Variants in L1TD1 observed in about 807,000 individuals in gnomAD.
L1TD1 encodes LINE1 type transposase domain containing 1, also known as LINE-1 type transposase domain-containing protein 1.
Under a neutral mutation model 25.7 loss-of-function variants are expected in L1TD1, and 26 were observed. The observed-to-expected ratio is 1.01, with a 90% CI of 0.74 to 1.40. The LOEUF (loss-of-function observed/expected upper bound fraction) is 1.40, where lower values mean the gene tolerates loss of function less well. Ranked by LOEUF, L1TD1 falls within the 40% of genes most tolerant of loss-of-function variation. The pLI is 0.00. For missense variants in L1TD1, 1,130 were observed against 975.0 expected (o/e 1.16, Z -2.12); for synonymous variants, 421 against 335.6 (o/e 1.25, Z -2.78).
rs79364597 is a variant in L1TD1, at chr1:62,211,421, C to A, written c.*49C>A. 1.3e-6 allele frequency: 2 copies of A among 1,520,888 alleles called. No individual in the cohort carries two copies. The highest frequency in any genetic ancestry group is 4.5e-5 in the East Asian group (2 of 44,142). The allele number at this position is 1,520,888 out of a possible 1,614,324, so 94.2% of individuals were successfully genotyped here. A position where few individuals can be genotyped will look rare whatever the true frequency, so the allele number is the denominator to read the frequency against. ...TATGCTTTCCTCCCCCAGCATGCAT[C>A]CAAAAATCAACAAGTAAAACGAAAA... On this transcript the variant is annotated 3_prime_UTR_variant, in exon 4 of 4. Transcript: ENST00000498273.
chr1:62,204,950 T>C (rs1670706636), intron 2 of L1TD1, among the ~76,000 whole-genome samples: 1 of 151,952 alleles, frequency 6.6e-6, no homozygotes, highest in Non-Finnish European at 1.5e-5. Flanking sequence ...TAATTTTTGT[T>C]AGAGACAGTT....
chr1:62,205,443 A>ATATATTTTTTTTTTTTTT (rs1553122597), intron 2 of L1TD1, among the ~76,000 whole-genome samples: 2 of 63,660 alleles, frequency 3.1e-5, no homozygotes, highest in African/African-American at 1.1e-4. Context: ...ATATATATAT[A>ATATATTTTTTTTTTTTTT]TTTTTTTTTA....
chr1:62,207,340 G>T lies in L1TD1; in HGVS notation c.712G>T (p.Asp238Tyr). The T allele has an allele frequency of 6.4e-7, 1 of 1,551,406 alleles. No homozygotes were observed. Among genetic ancestry groups the T allele is most frequent in the South Asian group, 1.2e-5 (1 of 84,034 alleles). The change falls in exon 3 of 4, where the codon GAT (aspartate) becomes TAT (tyrosine). Residue 238 changes from aspartate (D) to tyrosine (Y), a missense_variant. By Grantham distance (160) the Asp-to-Tyr change is radical (BLOSUM62 -3). Coordinates refer to ENST00000498273, the MANE Select transcript of L1TD1 (RefSeq NM_019079.5). ...KASREEKVLM[D>Y]EGAVLTLVAD... Reference sequence around the variant, plus strand: ...CTCCAGAGAAGAAAAAGTGTTGATGGATGAAGGAGCAGTACTTACCCTGGT... The same window carrying T: ...CTCCAGAGAAGAAAAAGTGTTGATGTATGAAGGAGCAGTACTTACCCTGGT...
At chr1:62,197,433 A>ATATATATATATATG (rs1174042182) in intron 2 of L1TD1, among the ~76,000 whole-genome samples, 10 of 138,422 alleles carry the variant, frequency 7.2e-5, no homozygotes, top group Admixed American at 2.2e-4. Flanking sequence ...ATATATATAT[A>ATATATATATATATG]GTTTAGTCCT....
intron 2 of L1TD1, among the ~76,000 whole-genome samples, chr1:62,202,321 G>T (rs1670654600): frequency 6.6e-6 from 1 of 151,432 alleles, no homozygotes; most frequent in South Asian, 2.1e-4. Context: ...AAAGGCTGAG[G>T]GTGAAATGTG....
Position 62,210,825 on chromosome 1 carries a change from T to C in L1TD1, c.2051T>C (p.Ile684Thr). Residue 684 changes from isoleucine to threonine, a missense_variant, in exon 4 of 4, where the codon ATA (isoleucine) becomes ACA (threonine). Coordinates refer to ENST00000498273, the MANE Select transcript of L1TD1 (RefSeq NM_019079.5). The part of the protein sequence containing the change: ...SKDTMQMTKQ[I>T]ISKERQRDIE... ...GATACAATGCAAATGACCAAACAGA[T>C]AATTAGTAAAGAAAGGCAAAGAGAT... 6.5e-7 allele frequency: 1 copy of C among 1,549,226 alleles called. No homozygotes were observed. Among genetic ancestry groups the C allele is most frequent in the South Asian group, 1.2e-5 (1 of 83,300 alleles).
At chr1:62,200,217 C>G (rs1670615905) in intron 2 of L1TD1, among the ~76,000 whole-genome samples, 1 of 152,050 alleles carries the variant, frequency 6.6e-6, no homozygotes. Flanking sequence ...ACTCTTGTTG[C>G]CCAGGTTGGA....
At chr1:62,195,080 G>A (rs1670506546) in intron 1 of L1TD1, among the ~76,000 whole-genome samples, 159 bp downstream of exon 1, 1 of 151,208 alleles carries the variant, frequency 6.6e-6, no homozygotes, top group East Asian at 2.0e-4. Context: ...GGGGTGCCCC[G>A]GGTAAGGCTG....
intron 2 of L1TD1, among the ~76,000 whole-genome samples, chr1:62,196,916 A>G (rs1670553644): frequency 6.6e-6 from 1 of 151,764 alleles, no homozygotes; most frequent in African/African-American, 2.4e-5. Context: ...TTAGAGTGAA[A>G]CAAGGGAAAT....
intron 1 of L1TD1, 85 bp from the exon 2 acceptor site, chr1:62,196,350 T>G (rs372105586): frequency 6.6e-6 from 1 of 152,182 alleles, no homozygotes; most frequent in Admixed American, 6.6e-5. Flanking sequence ...ATAAGTGCTT[T>G]TTTTTCCCAG....
At position 62,211,191 on chromosome 1, in the gene L1TD1, A is replaced by C. The variant is rs1404281054; in HGVS notation, c.2417A>C (p.Lys806Thr). 6.4e-7 allele frequency: 1 copy of C among 1,552,206 alleles called. No homozygotes were observed. Among genetic ancestry groups the C allele is most frequent in the South Asian group, 1.2e-5 (1 of 84,126 alleles). Reference sequence around the variant, plus strand: ...CTGGACACACTGGATGCTAGAAGTAAATGGAGCAATGTCTTCAAAGTTCTG... The same window carrying C: ...CTGGACACACTGGATGCTAGAAGTACATGGAGCAATGTCTTCAAAGTTCTG... ...LSLDTLDARSKWSNVFKVLLE... is the reference protein window; with the variant it reads ...LSLDTLDARSTWSNVFKVLLE... The change falls in exon 4 of 4, where the codon AAA becomes ACA. Residue 806 changes from lysine to threonine, a missense_variant. By Grantham distance (78) the Lys-to-Thr change is moderately conservative. Transcript: ENST00000498273.
In L1TD1 at chr1:62,207,296, A is replaced by G. The variant is rs1670768935; in HGVS notation, c.668A>G (p.Lys223Arg). Residue 223 changes from lysine to arginine, a missense_variant, in exon 3 of 4, where the codon AAA (lysine) becomes AGA (arginine). By Grantham distance (26) the Lys-to-Arg change is conservative. Coordinates refer to ENST00000498273, the MANE Select transcript of L1TD1 (RefSeq NM_019079.5). Reference protein sequence around the residue: ...EERKFQKLKNKEEVLKASREE... With the variant: ...EERKFQKLKNREEVLKASREE... ...AGAAAATTTCAGAAATTGAAGAATA[A>G]AGAGGAGGTTTTAAAAGCCTCCAGA... 6.4e-7 allele frequency: 1 copy of G among 1,550,866 alleles called. No individual in the cohort carries two copies. Among genetic ancestry groups the G allele is most frequent in the Non-Finnish European group, 8.7e-7 (1 of 1,146,816 alleles).
In L1TD1 at chr1:62,206,517, A is replaced by C; in HGVS notation, c.-110-2A>C. On this transcript the variant is annotated splice_acceptor_variant, in intron 2 of 3. Coordinates refer to ENST00000498273, the MANE Select transcript of L1TD1 (RefSeq NM_019079.5). LOFTEE classifies it low-confidence loss of function (5UTR_SPLICE). ...GTAATTTTTCATTTTTTTGTATTTC[A>C]GATTGACGTATTTTAAGATTTTTTT... is the stretch of plus-strand genomic sequence containing the variant. 1.8e-6 allele frequency: 2 copies of C among 1,083,412 alleles called. No homozygotes were observed. The highest frequency in any genetic ancestry group is 2.5e-6 in the Non-Finnish European group (2 of 811,162). The allele number at this position is 1,083,412 out of a possible 1,614,324, so 67.1% of individuals were successfully genotyped here.
At chr1:62,197,618 G>A (rs1339336226) in intron 2 of L1TD1, among the ~76,000 whole-genome samples, 1 of 151,364 alleles carries the variant, frequency 6.6e-6, no homozygotes, top group Admixed American at 6.6e-5. Context: ...TTGAGCCACC[G>A]CACCCAGCCC....
In L1TD1 at chr1:62,207,293, A is replaced by AT. The variant is rs1476967737; in HGVS notation, c.666dup (p.Lys223Ter). 6.4e-7 allele frequency: 1 copy of AT among 1,550,930 alleles called. No individual in the cohort carries two copies. The highest frequency in any genetic ancestry group is 8.7e-7 in the Non-Finnish European group (1 of 1,146,836). ...GAAAGAAAATTTCAGAAATTGAAGAATAAAGAGGAGGTTTTAAAAGCCTCC... is the reference window on the plus strand; with the variant it reads ...GAAAGAAAATTTCAGAAATTGAAGAATTAAAGAGGAGGTTTTAAAAGCCTCC... On this transcript the variant is annotated frameshift_variant, in exon 3 of 4. Coordinates refer to ENST00000498273, the MANE Select transcript of L1TD1 (RefSeq NM_019079.5). LOFTEE classifies it high-confidence loss of function.
chr1:62,203,392 T>C (rs1670678791), intron 2 of L1TD1, among the ~76,000 whole-genome samples: 2 of 152,118 alleles, frequency 1.3e-5, no homozygotes, highest in East Asian at 1.9e-4. Context: ...ACCCACCTAC[T>C]ACCCTTCCCA....
At position 62,207,649 on chromosome 1, in the gene L1TD1, A is replaced by ATGT; in HGVS notation, c.1008+14_1008+16dup. Reference sequence around the variant, plus strand: ...TCAAGAAAAAAGGGTAAGCATACAAATGTATAAATGTATAAAGCTTATGTA... The same window carrying ATGT: ...TCAAGAAAAAAGGGTAAGCATACAAATGTTGTATAAATGTATAAAGCTTATGTA... On this transcript the variant is annotated intron_variant, in intron 3 of 3. Coordinates refer to ENST00000498273, the MANE Select transcript of L1TD1 (RefSeq NM_019079.5). The ATGT allele has an allele frequency of 6.7e-7, 1 of 1,499,802 alleles. No individual in the cohort carries two copies. The highest frequency in any genetic ancestry group is 2.5e-5 in the East Asian group (1 of 40,630). 92.9% of individuals were successfully genotyped at this position (1,499,802 alleles called of 1,614,324 possible).
rs1486828744 is a variant in L1TD1, at chr1:62,207,145, A to C, written c.517A>C (p.Ser173Arg). Reference protein sequence around the residue: ...GESRSYEVMGSMEETLCNIDD... With the variant: ...GESRSYEVMGRMEETLCNIDD... ...ATCACGAAGTTACGAAGTCATGGGA[A>C]GTATGGAAGAAACCTTATGCAATAT... Residue 173 changes from serine (S) to arginine (R), a missense_variant, in exon 3 of 4, where the codon AGT becomes CGT. Ser to Arg is a moderately radical substitution (Grantham distance 110). Transcript: ENST00000498273. The C allele has an allele frequency of 6.4e-7, 1 of 1,570,448 alleles. No individual in the cohort carries two copies. Among genetic ancestry groups the C allele is most frequent in the Non-Finnish European group, 8.6e-7 (1 of 1,156,160 alleles).
chr1:62,197,979 G>A (rs1269334415), intron 2 of L1TD1, among the ~76,000 whole-genome samples: 1 of 151,972 alleles, frequency 6.6e-6, no homozygotes, highest in African/African-American at 2.4e-5. Flanking sequence ...TCAAAATATG[G>A]CATGTCACAC....
Sources: allele counts gnomAD v4.1 joint callset (sites outside exome capture counted in the v4.1 genomes callset), GRCh38; gene constraint gnomAD v4.1.1; transcripts MANE v1.5; gene names NCBI Gene and HGNC (gene_info 2026-07-23, HGNC 2026-07-21).